CPN1: variants seen among roughly 807,000 people sequenced by gnomAD.
CPN1 encodes the protein carboxypeptidase N catalytic chain.
In CPN1, 37 loss-of-function variants were observed where a neutral mutation model predicts 46.4. The observed-to-expected ratio is 0.80, with a 90% CI of 0.61 to 1.05. The LOEUF is 1.05. CPN1 is among the 50% of genes least tolerant of loss of function. The pLI is 0.00. For synonymous variants in CPN1, 224 were observed against 235.4 expected (o/e 0.95, Z 0.44); for missense variants, 563 against 602.6 (o/e 0.93, Z 0.69).
chr10:100,050,559 T>C (rs1332933500), intron 7 of CPN1, among the ~76,000 whole-genome samples: 3 of 152,132 alleles, frequency 2.0e-5, no homozygotes, highest in Non-Finnish European at 4.4e-5. Flanking sequence ...GGTGGTGTTA[T>C]ATGGGTGTAA....
At chr10:100,054,841 CTTTTTT>C (rs56250435) in intron 6 of CPN1, among the ~76,000 whole-genome samples, 2 of 132,760 alleles carry the variant, frequency 1.5e-5, no homozygotes, top group East Asian at 2.2e-4. Flanking sequence ...TTCTTTCTTT[CTTTTTT>C]TTTTTTTTTT....
At chr10:100,055,139 G>C (rs1005992941) in intron 6 of CPN1, among the ~76,000 whole-genome samples, 2 of 151,720 alleles carry the variant, frequency 1.3e-5, no homozygotes, top group Non-Finnish European at 2.9e-5. Flanking sequence ...TCAGGAGGCC[G>C]AGACAGGAGA....
At chr10:100,060,324 G>T (rs979370836) in intron 5 of CPN1, among the ~76,000 whole-genome samples, 1 of 152,194 alleles carries the variant, frequency 6.6e-6, no homozygotes, top group African/African-American at 2.4e-5. Flanking sequence ...CACTTTGGGA[G>T]GCTGAGGCGG....
intron 3 of CPN1, among the ~76,000 whole-genome samples, chr10:100,065,959 T>G (rs991561517): frequency 6.6e-6 from 1 of 151,910 alleles, no homozygotes; most frequent in Non-Finnish European, 1.5e-5. Context: ...AGTTTTTTTT[T>G]TTGTTTTGTT....
chr10:100,064,527 C>T (rs1011447523), intron 4 of CPN1, among the ~76,000 whole-genome samples: 2 of 151,180 alleles, frequency 1.3e-5, no homozygotes, highest in Non-Finnish European at 2.9e-5. Flanking sequence ...ATTACAGGCA[C>T]CCACCACCGT....
In CPN1 at chr10:100,054,342, C is replaced by T. The variant is rs368479939; in HGVS notation, c.1111+5G>A. The T allele has an allele frequency of 6.2e-7, 1 of 1,611,388 alleles. No homozygotes were observed. The highest frequency in any genetic ancestry group is 1.1e-5 in the South Asian group (1 of 91,008). Reference sequence around the variant, plus strand: ...CCTTCTTACCCCTAAGCAGTGACCACCTACCTGAAGTGACATCATGGTTAA... The same window carrying T: ...CCTTCTTACCCCTAAGCAGTGACCATCTACCTGAAGTGACATCATGGTTAA... On this transcript the variant is annotated splice_donor_5th_base_variant and intron_variant, in intron 7 of 8. Coordinates refer to ENST00000370418, the MANE Select transcript of CPN1 (RefSeq NM_001308.3).
chr10:100,048,715 T>C (rs780260254), intron 8 of CPN1, 43 bp downstream of exon 8: 1 of 1,347,480 alleles, frequency 7.4e-7, no homozygotes, highest in South Asian at 1.2e-5. Context: ...AAAGACTGTA[T>C]AAGTGATCTC....
chr10:100,058,740 G>A (rs1222095681), intron 5 of CPN1, among the ~76,000 whole-genome samples: 1 of 151,988 alleles, frequency 6.6e-6, no homozygotes, highest in Non-Finnish European at 1.5e-5. Flanking sequence ...TGAAAAAGAA[G>A]AACAAAGCTA....
chr10:100,081,476 G>A lies in CPN1; in HGVS notation c.150C>T (p.Ser50=), dbSNP rs2041545782. 3.1e-6 allele frequency: 5 copies of A among 1,614,018 alleles called. No individual in the cohort carries two copies. The highest frequency in any genetic ancestry group is 1.3e-5 in the African/African-American group (1 of 74,894). The change falls in exon 1 of 9, where the codon AGC becomes AGT. Residue 50 remains serine (S), a synonymous_variant. Coordinates refer to ENST00000370418, the MANE Select transcript of CPN1 (RefSeq NM_001308.3). ...GTCTCCCCTCCACGCTGCGCCCAAT[G>A]CTGTAGACCCGCGTGATGCCGGGGC... is the stretch of plus-strand genomic sequence containing the variant. The part of the protein sequence containing the change: ...NECPGITRVY[S]IGRSVEGRHL...
chr10:100,043,024 G>A (rs1052987087), intron 8 of CPN1, among the ~76,000 whole-genome samples: 1 of 151,080 alleles, frequency 6.6e-6, no homozygotes, highest in South Asian at 2.1e-4. Flanking sequence ...AACCCAGGAG[G>A]TGGAGGCTGC....
At chr10:100,044,612 G>T (rs2041297397) in intron 8 of CPN1, among the ~76,000 whole-genome samples, 1 of 152,136 alleles carries the variant, frequency 6.6e-6, no homozygotes, top group African/African-American at 2.4e-5. Flanking sequence ...CTGGGCTCAA[G>T]TGATCTGCCA....
chr10:100,057,075 C>G lies in CPN1; in HGVS notation c.949G>C (p.Glu317Gln). 6.2e-7 allele frequency: 1 copy of G among 1,614,088 alleles called. No homozygotes were observed. Among genetic ancestry groups the G allele is most frequent in the Non-Finnish European group, 8.5e-7 (1 of 1,180,002 alleles). The change falls in exon 6 of 9, where the codon GAA becomes CAA. Residue 317 changes from glutamate to glutamine, a missense_variant. Glu to Gln is a conservative substitution (Grantham distance 29). Coordinates refer to ENST00000370418, the MANE Select transcript of CPN1 (RefSeq NM_001308.3). ...AGCCACTCCCGCTGTAACTCCTCTTCGGGGGGAAACTTGTCGCAACTCAGT... is the reference window on the plus strand; with the variant it reads ...AGCCACTCCCGCTGTAACTCCTCTTGGGGGGGAAACTTGTCGCAACTCAGT... ...LELSCDKFPP[E>Q]EELQREWLGN...
chr10:100,071,938 C>T (rs2041488158), intron 2 of CPN1, among the ~76,000 whole-genome samples: 1 of 152,076 alleles, frequency 6.6e-6, no homozygotes, highest in Non-Finnish European at 1.5e-5. Flanking sequence ...CTATGTATTT[C>T]CAAATAAGAT....
chr10:100,056,820 G>A (rs914574540), intron 6 of CPN1, among the ~76,000 whole-genome samples, 193 bp downstream of exon 6: 2 of 151,748 alleles, frequency 1.3e-5, no homozygotes, highest in African/African-American at 4.8e-5. Context: ...CCACACTGCC[G>A]GGATTACAGG....
intron 7 of CPN1, 141 bp from the exon 8 acceptor site, chr10:100,049,017 G>A (rs1415323076): frequency 1.1e-5 from 7 of 632,822 alleles, no homozygotes; most frequent in African/African-American, 9.1e-5. Flanking sequence ...GGAGTGAAGT[G>A]GTGTGATCTC....
rs1401153303 is a variant in CPN1 at position 100,065,272 on chromosome 10, C to T, written c.675G>A (p.Pro225=). The change falls in exon 4 of 9, where the codon CCG becomes CCA. Residue 225 remains proline, a synonymous_variant. Coordinates refer to ENST00000370418, the MANE Select transcript of CPN1 (RefSeq NM_001308.3). ...LHGGAVVANY[P]YDKSFEHRVR... ...CCCGGTGCTCAAAGGACTTGTCATA[C>T]GGGTAATTGGCCACCACCGCCCCTC... 14 of 1,613,888 alleles carry T rather than the reference C, an allele frequency of 8.7e-6. No homozygotes were observed. The highest frequency in any genetic ancestry group is 4.0e-5 in the African/African-American group (3 of 74,858).
At chr10:100,073,093 T>C (rs538211107) in intron 2 of CPN1, among the ~76,000 whole-genome samples, 1 of 152,322 alleles carries the variant, frequency 6.6e-6, no homozygotes, top group African/African-American at 2.4e-5. Flanking sequence ...TTCAGTATTA[T>C]TCTCAGATTT....
At chr10:100,057,418 G>C (rs1321667306) in intron 5 of CPN1, among the ~76,000 whole-genome samples, 1 of 152,170 alleles carries the variant, frequency 6.6e-6, no homozygotes, top group East Asian at 1.9e-4. Context: ...AGAGTCCGAG[G>C]AGATTAGTTG....
chr10:100,043,544 G>A (rs990401235), intron 8 of CPN1, among the ~76,000 whole-genome samples: 2 of 152,184 alleles, frequency 1.3e-5, no homozygotes, highest in African/African-American at 4.8e-5. Context: ...CAGGTGCCAT[G>A]CTCAGGCATG....
Sources: gnomAD v4.1 joint callset for allele counts (sites outside exome capture counted in the v4.1 genomes callset) on GRCh38, gnomAD v4.1.1 for gene constraint, MANE v1.5 for transcripts, NCBI Gene and HGNC (gene_info 2026-07-23, HGNC 2026-07-21) for gene names.